RABGAP1L: variants seen among roughly 807,000 people sequenced by gnomAD.
RABGAP1L encodes rab GTPase-activating protein 1-like.
In RABGAP1L, 63 loss-of-function variants were observed where a neutral mutation model predicts 137.7. That is an observed-to-expected ratio of 0.46 (90% CI 0.37 to 0.56). The LOEUF (loss-of-function observed/expected upper bound fraction) is 0.56. Among genes scored for constraint, RABGAP1L ranks in the 20% least tolerant of loss-of-function variants. The probability of loss-of-function intolerance (pLI) is 0.00; values close to 1 mark genes in which losing one functional copy is unlikely to be tolerated. For missense variants in RABGAP1L, 1,095 were observed against 1,244.0 expected, an observed-to-expected ratio of 0.88 and a Z score of 1.80; for synonymous variants, 431 against 433.7, an observed-to-expected ratio of 0.99 and a Z score of 0.08.
At chr1:174,362,609 C>T (rs1435315600) in intron 11 of RABGAP1L, among the ~76,000 whole-genome samples, 1 of 152,160 alleles carries the variant, frequency 6.6e-6, no homozygotes, top group East Asian at 1.9e-4. Flanking sequence ...TGTCCTTTGC[C>T]CACTTTTTAA....
chr1:174,922,450 A>G (rs1661980680), intron 19 of RABGAP1L: 1 of 157,820 alleles, frequency 6.3e-6, no homozygotes, highest in Non-Finnish European at 1.4e-5. Context: ...CTTGGAAGCA[A>G]GGACTGAAGA....
At chr1:174,736,570 G>A (rs1330426307) in intron 17 of RABGAP1L, among the ~76,000 whole-genome samples, 1 of 152,248 alleles carries the variant, frequency 6.6e-6, no homozygotes, top group Non-Finnish European at 1.5e-5. Flanking sequence ...ACTAGGCAGT[G>A]CCCTGGTGGA....
At chr1:174,403,204 TGA>T (rs1400178400) in intron 13 of RABGAP1L, among the ~76,000 whole-genome samples, 10 of 131,940 alleles carry the variant, frequency 7.6e-5, no homozygotes, top group African/African-American at 2.6e-4. Flanking sequence ...TGGTTATATA[TGA>T]GAGTGTGTGT....
intron 13 of RABGAP1L, among the ~76,000 whole-genome samples, chr1:174,541,537 G>A (rs2147935595): frequency 6.6e-6 from 1 of 152,244 alleles, no homozygotes; most frequent in Middle Eastern, 3.4e-3. Context: ...AGCACTTTTG[G>A]AGGCCAAGGC....
At position 174,182,903 on chromosome 1, in the gene RABGAP1L, A is replaced by G. The variant is rs560120899; in HGVS notation, c.-34+23246A>G. ...TTTCTTAAGACATTTTTTTCCCACT[A>G]AGTTATTTATATTTATTATAGAAAA... On this transcript the variant is annotated intron_variant, in intron 1 of 25. Transcript: ENST00000681986. Among the ~76,000 whole-genome samples, 11 of 152,290 alleles carry G rather than the reference A, an allele frequency of 7.2e-5. 1 individual carries two copies. In the South Asian group the frequency reaches 2.3e-3, roughly 32 times the overall value.
At chr1:174,691,476 T>C (rs929728734) in intron 15 of RABGAP1L, among the ~76,000 whole-genome samples, 2 of 152,232 alleles carry the variant, frequency 1.3e-5, no homozygotes, top group African/African-American at 4.8e-5. Flanking sequence ...TACCAAACGG[T>C]GATTACATCA....
At chr1:174,590,321 G>A (rs1429864202) in intron 13 of RABGAP1L, among the ~76,000 whole-genome samples, 25 of 138,550 alleles carry the variant, frequency 1.8e-4, no homozygotes, top group Admixed American at 1.3e-3. Flanking sequence ...TTTAGATGCT[G>A]TATTGTTTTT....
rs144401682 is a variant in RABGAP1L at position 174,761,479 on chromosome 1, C to T, written c.2211+9125C>T. Among the ~76,000 whole-genome samples the T allele has an allele frequency of 8.2e-4, 124 of 152,056 alleles. 1 individual carries two copies. Among genetic ancestry groups the T allele is most frequent in the Non-Finnish European group, 1.2e-3 (83 of 67,980 alleles). On this transcript the variant is annotated intron_variant, in intron 18 of 25. Coordinates refer to ENST00000681986, the MANE Select transcript of RABGAP1L (RefSeq NM_001366446.1). The surrounding 1 kb of genome is among the most constrained non-coding windows in gnomAD (Gnocchi z 4.0). ...CGCCAGGCAGAGGTGCTCCTCACTT[C>T]CCAGACAATGCAGGGGCCGGGGAGA... is the stretch of plus-strand genomic sequence containing the variant.
intron 7 of RABGAP1L, among the ~76,000 whole-genome samples, chr1:174,269,840 T>C (rs1347421940): frequency 6.6e-6 from 1 of 152,272 alleles, no homozygotes; most frequent in East Asian, 1.9e-4. Context: ...CTTGAGAAAA[T>C]AGGTGGGATA....
At position 174,637,591 on chromosome 1, in the gene RABGAP1L, A is replaced by G. The variant is rs985069264; in HGVS notation, c.1824+103A>G. The G allele has an allele frequency of 2.3e-5, 19 of 818,766 alleles. No homozygotes were observed. In the African/African-American group the frequency reaches 2.8e-4, roughly 12 times the overall value. The allele number at this position is 818,766 out of a possible 1,614,324, so 50.7% of individuals were successfully genotyped here. ...TCTGTCTTCATTTCTTATTTGCACT[A>G]TGCCATGTTTTCTGCTTTGCACACA... On this transcript the variant is annotated intron_variant, in intron 14 of 25. Coordinates refer to ENST00000681986, the MANE Select transcript of RABGAP1L (RefSeq NM_001366446.1).
At chr1:174,280,047 T>TGG (rs1553265625) in intron 10 of RABGAP1L, among the ~76,000 whole-genome samples, 4 of 87,184 alleles carry the variant, frequency 4.6e-5, no homozygotes, top group Non-Finnish European at 9.0e-5. Context: ...TCTGTCTGCC[T>TGG]GGAGAGAGAG....
intron 12 of RABGAP1L, among the ~76,000 whole-genome samples, chr1:174,380,213 C>T (rs1685996154): frequency 6.6e-6 from 1 of 151,900 alleles, no homozygotes; most frequent in South Asian, 2.1e-4. Flanking sequence ...AGGATTTTTG[C>T]ATCAATGTTC....
intron 19 of RABGAP1L, among the ~76,000 whole-genome samples, chr1:174,946,980 G>GTGTGTGTGTGTATA (rs770439099): frequency 6.1e-4 from 48 of 78,230 alleles, no homozygotes; most frequent in African/African-American, 2.2e-3. Context: ...GTGTGTGTGT[G>GTGTGTGTGTGTATA]TATATATATG....
intron 15 of RABGAP1L, among the ~76,000 whole-genome samples, chr1:174,693,311 C>T (rs1679006004): frequency 6.6e-6 from 1 of 152,172 alleles, no homozygotes; most frequent in Non-Finnish European, 1.5e-5. Flanking sequence ...CAGGTCATAC[C>T]AGCTTTTGAC....
intron 15 of RABGAP1L, among the ~76,000 whole-genome samples, chr1:174,698,009 G>A (rs1679388520): frequency 1.3e-5 from 2 of 152,186 alleles, no homozygotes; most frequent in Non-Finnish European, 2.9e-5. Flanking sequence ...TTAGAAAATA[G>A]AAGTGGCTGA....
chr1:174,301,107 A>C (rs974028023), intron 10 of RABGAP1L, among the ~76,000 whole-genome samples: 42 of 151,742 alleles, frequency 2.8e-4, no homozygotes, highest in African/African-American at 9.0e-4. Context: ...TGTGTATTCA[A>C]CCTCTGGTTG....
intron 13 of RABGAP1L, among the ~76,000 whole-genome samples, chr1:174,551,007 T>TATACAC (rs1553330315): frequency 1.6e-5 from 2 of 124,358 alleles, no homozygotes; most frequent in African/African-American, 7.3e-5. Flanking sequence ...CACATATATA[T>TATACAC]ATATATATAT....
chr1:174,930,613 A>G (rs1663633542), intron 19 of RABGAP1L, among the ~76,000 whole-genome samples: 1 of 152,160 alleles, frequency 6.6e-6, no homozygotes, highest in Non-Finnish European at 1.5e-5. Flanking sequence ...CACTGCGCCC[A>G]GCATACGAAC....
chr1:174,702,013 C>A (rs41266056), intron 16 of RABGAP1L, 100 bp from the exon 17 acceptor site: 28,916 of 1,083,870 alleles, frequency 0.027, 506 homozygotes, highest in Middle Eastern at 0.057. Flanking sequence ...AGAGTTACAG[C>A]GATCATAGAA....
Sources: gnomAD v4.1 joint callset for allele counts (sites outside exome capture counted in the v4.1 genomes callset) on GRCh38, gnomAD v4.1.1 for gene constraint, Gnocchi (gnomAD v3.1) non-coding constraint, MANE v1.5 for transcripts, NCBI Gene and HGNC (gene_info 2026-07-23, HGNC 2026-07-21) for gene names.